The following ALLC variants were observed in gnomAD, a reference collection of about 807,000 sequenced individuals.
ALLC encodes the protein probable inactive allantoicase.
Under a neutral mutation model 45.0 loss-of-function variants are expected in ALLC, and 40 were observed. The observed-to-expected ratio is 0.89, with a 90% CI of 0.69 to 1.16. ALLC has a LOEUF of 1.16. Among genes scored for constraint, ALLC ranks in the 50% most tolerant of loss-of-function variants. The pLI is 0.00. For synonymous variants in ALLC, 176 were observed against 178.1 expected (o/e 0.99, Z 0.09); for missense variants, 488 against 493.1 (o/e 0.99, Z 0.10).
intron 1 of ALLC, among the ~76,000 whole-genome samples, chr2:3,659,625 C>T (rs1341147151): frequency 6.6e-6 from 1 of 152,230 alleles, no homozygotes; most frequent in East Asian, 1.9e-4. Flanking sequence ...TGGCTCCTTC[C>T]TTTCTTGCCT....
At chr2:3,699,354 A>G (rs1409000709) in intron 10 of ALLC, among the ~76,000 whole-genome samples, 1 of 152,186 alleles carries the variant, frequency 6.6e-6, no homozygotes, top group East Asian at 1.9e-4. Flanking sequence ...TTGTGGCTGC[A>G]TAGTATTCCA....
chr2:3,659,563 G>A (rs952400062), intron 1 of ALLC, among the ~76,000 whole-genome samples: 5 of 152,256 alleles, frequency 3.3e-5, no homozygotes, highest in Admixed American at 6.5e-5. Context: ...AGCTGCCACA[G>A]GCTGTCTGAG....
At position 3,680,114 on chromosome 2, in the gene ALLC, A is replaced by G. The variant is rs1400705751; in HGVS notation, c.298+120A>G. On this transcript the variant is annotated intron_variant, in intron 5 of 11. Transcript: ENST00000252505. The surrounding 1 kb of genome is among the most constrained non-coding windows in gnomAD (Gnocchi z 4.0). ...CCCAGACAGCTTCAGGCGCTTGACT[A>G]AGGCTACTTTACTGTAACGGGGCTG... 3.6e-6 allele frequency: 5 copies of G among 1,397,578 alleles called. No individual in the cohort carries two copies. The African/African-American group carries it at 5.7e-5, about 16-fold the overall frequency. The allele number at this position is 1,397,578 out of a possible 1,614,324, so 86.6% of individuals were successfully genotyped here.
intron 7 of ALLC, chr2:3,694,659 T>C (rs961060207): frequency 1.3e-4 from 20 of 152,232 alleles, no homozygotes; most frequent in African/African-American, 4.8e-4. Flanking sequence ...GCTGAATGAC[T>C]CCCTCTAGGA....
In ALLC at chr2:3,672,292, GCT is replaced by G. The variant is rs759730429; in HGVS notation, c.33+1105_33+1106del. On this transcript the variant is annotated intron_variant, in intron 2 of 11. Coordinates refer to ENST00000252505, the MANE Select transcript of ALLC (RefSeq NM_018436.4). ...CTCTGGTTAGATGGGAGGTCCTCTG[GCT>G]CTGGTTAGATCGGAAGTCCTCTGGC... is the stretch of plus-strand genomic sequence containing the variant. 4.5e-4 allele frequency among the ~76,000 whole-genome samples: 53 copies of G among 118,176 alleles called. 5 individuals are homozygous for G. Among genetic ancestry groups the G allele is most frequent in the African/African-American group, 1.7e-3 (49 of 29,318 alleles). 77.5% of individuals were successfully genotyped at this position (118,176 alleles called of 152,430 possible).
intron 6 of ALLC, among the ~76,000 whole-genome samples, chr2:3,682,403 C>G (rs12618628): frequency 0.078 from 11,868 of 152,272 alleles, 518 homozygotes; most frequent in East Asian, 0.14. Flanking sequence ...CCACCATCAC[C>G]CACTGGCTGT....
At chr2:3,663,881 T>G (rs115829665) in intron 1 of ALLC, among the ~76,000 whole-genome samples, 2,868 of 152,380 alleles carry the variant, frequency 0.019, 70 homozygotes, top group African/African-American at 0.055. Context: ...TCTCTTCTGT[T>G]CTGTTCAGTA....
At chr2:3,672,238 T>A (rs1666898981) in intron 2 of ALLC, among the ~76,000 whole-genome samples, 1 of 120,930 alleles carries the variant, frequency 8.3e-6, no homozygotes. Flanking sequence ...GGAGGTCCTC[T>A]GGCTCTGGTT....
intron 2 of ALLC, among the ~76,000 whole-genome samples, chr2:3,672,616 TA>T (rs1295040096): frequency 3.5e-4 from 46 of 132,378 alleles, no homozygotes; most frequent in African/African-American, 4.3e-4. Context: ...TCTGGTTAGA[TA>T]GGAGGTCCTC....
At chr2:3,660,860 CA>C (rs1666556574) in intron 1 of ALLC, among the ~76,000 whole-genome samples, 1 of 151,786 alleles carries the variant, frequency 6.6e-6, no homozygotes, top group Non-Finnish European at 1.5e-5. Flanking sequence ...CGGAATGAGT[CA>C]GGGTGGAGCA....
upstream of ALLC, among the ~76,000 whole-genome samples, chr2:3,653,284 T>TCCATTGCA (rs1666378328): frequency 6.6e-6 from 1 of 152,232 alleles, no homozygotes; most frequent in East Asian, 1.9e-4. The surrounding 1 kb of genome is among the most constrained non-coding windows in gnomAD (Gnocchi z 4.1). Context: ...GCTGTGGAGT[T>TCCATTGCA]CCATTGCACA....
chr2:3,663,807 C>T (rs1262130711), intron 1 of ALLC, among the ~76,000 whole-genome samples: 1 of 152,192 alleles, frequency 6.6e-6, no homozygotes, highest in Non-Finnish European at 1.5e-5. Context: ...ATAACATGCA[C>T]AAACATGCTT....
chr2:3,649,033 C>T, the ALLC span, among the ~76,000 whole-genome samples: 1 of 152,248 alleles, frequency 6.6e-6, no homozygotes, highest in Middle Eastern at 3.4e-3. Context: ...GAACATAGCC[C>T]AGGACAGTAC....
intron 1 of ALLC, among the ~76,000 whole-genome samples, chr2:3,660,364 C>T (rs1296063320): frequency 6.6e-6 from 1 of 152,110 alleles, no homozygotes; most frequent in African/African-American, 2.4e-5. Context: ...CCAAGTAAAC[C>T]CCTTTTTTTA....
At chr2:3,700,901 C>G (rs1436208947) in intron 10 of ALLC, among the ~76,000 whole-genome samples, 3 of 152,126 alleles carry the variant, frequency 2.0e-5, no homozygotes, top group African/African-American at 4.8e-5. Flanking sequence ...AGTAGAAGTT[C>G]TCTCTTCTCA....
chr2:3,699,533 G>A (rs757701924), intron 10 of ALLC, among the ~76,000 whole-genome samples: 1 of 152,148 alleles, frequency 6.6e-6, no homozygotes, highest in African/African-American at 2.4e-5. Context: ...TGGGATTGCC[G>A]AGTCCAATGG....
chr2:3,667,043 A>G (rs1157017195), intron 1 of ALLC, among the ~76,000 whole-genome samples: 1 of 152,190 alleles, frequency 6.6e-6, no homozygotes, highest in Non-Finnish European at 1.5e-5. Flanking sequence ...AGATTGGACA[A>G]TATGGGTCCC....
At chr2:3,669,434 G>A (rs928825989) in intron 1 of ALLC, among the ~76,000 whole-genome samples, 3 of 151,964 alleles carry the variant, frequency 2.0e-5, no homozygotes, top group African/African-American at 7.3e-5. Context: ...AGATCATGCC[G>A]CTGCACTCCA....
At chr2:3,696,725 T>G (rs897763164) in intron 9 of ALLC, among the ~76,000 whole-genome samples, 3 of 152,230 alleles carry the variant, frequency 2.0e-5, no homozygotes, top group Non-Finnish European at 2.9e-5. Flanking sequence ...ACACCACTTA[T>G]GTGAACTTGT....
Sources: gnomAD v4.1 joint callset for allele counts (sites outside exome capture counted in the v4.1 genomes callset) on GRCh38, gnomAD v4.1.1 for gene constraint, Gnocchi (gnomAD v3.1) non-coding constraint, MANE v1.5 for transcripts, NCBI Gene and HGNC (gene_info 2026-07-23, HGNC 2026-07-21) for gene names.